DPP10: variants seen among roughly 807,000 people sequenced by gnomAD.
DPP10 encodes the protein dipeptidyl peptidase like 10, also known as inactive dipeptidyl peptidase 10.
Under a neutral mutation model 120.9 loss-of-function variants are expected in DPP10, and 33 were observed. The observed-to-expected ratio is 0.27, with a 90% CI of 0.21 to 0.37. The LOEUF (loss-of-function observed/expected upper bound fraction) is 0.37. DPP10 is among the 10% of genes least tolerant of loss of function. The pLI, the probability that DPP10 is intolerant of heterozygous loss-of-function variation, is 1.00. For missense variants in DPP10, 816 were observed against 942.8 expected (o/e 0.87, Z 1.76); for synonymous variants, 337 against 326.1 (o/e 1.03, Z -0.36).
chr2:115,818,241 T>C (rs561896213), intron 21 of DPP10, among the ~76,000 whole-genome samples: 1 of 152,314 alleles, frequency 6.6e-6, no homozygotes, highest in South Asian at 2.1e-4. Flanking sequence ...GGAAATCTGT[T>C]TCACAGAAAC....
At position 115,355,458 on chromosome 2, in the gene DPP10, C is replaced by T. The variant is rs187524745; in HGVS notation, c.271+11546C>T. Among the ~76,000 whole-genome samples the T allele has an allele frequency of 3.2e-3, 479 of 151,922 alleles. 2 individuals carry two copies. Among genetic ancestry groups the T allele is most frequent in the African/African-American group, 0.011 (457 of 41,440 alleles). On this transcript the variant is annotated intron_variant, in intron 3 of 25. Coordinates refer to ENST00000410059, the MANE Select transcript of DPP10 (RefSeq NM_020868.6). ...TTCCTTGTAGATTCTGGATATTAGA[C>T]CTTTGTCAGATGGGTATATTGCAAA...
At chr2:114,813,078 T>C (rs1043143998) in intron 1 of DPP10, among the ~76,000 whole-genome samples, 1 of 152,198 alleles carries the variant, frequency 6.6e-6, no homozygotes, top group African/African-American at 2.4e-5. Context: ...CTCCTCATCT[T>C]CGTTTCCCTA....
intron 1 of DPP10, among the ~76,000 whole-genome samples, chr2:114,652,662 G>T (rs1270667833): frequency 6.6e-6 from 1 of 152,156 alleles, no homozygotes; most frequent in African/African-American, 2.4e-5. Context: ...GATGGTGCTT[G>T]TCGAATTTTA....
At chr2:114,827,087 C>T (rs942771240) in intron 1 of DPP10, among the ~76,000 whole-genome samples, 19 of 151,074 alleles carry the variant, frequency 1.3e-4, no homozygotes, top group African/African-American at 4.1e-4. Context: ...CAGGAGGGGG[C>T]GATTTCTCAT....
At position 114,806,947 on chromosome 2, in the gene DPP10, G is replaced by A. The variant is rs557199373; in HGVS notation, c.60+364109G>A. The stretch of plus-strand genomic sequence containing the variant: ...ACCGTCTGCACAGCTAGTACAAGCC[G>A]ACAGCATCCTTCCCATTGAGTACAG... On this transcript the variant is annotated intron_variant, in intron 1 of 25. Transcript: ENST00000410059. Among the ~76,000 whole-genome samples the A allele has an allele frequency of 1.5e-4, 23 of 152,216 alleles. No homozygotes were observed. The South Asian group carries it at 3.9e-3, about 26-fold the overall frequency.
chr2:115,722,128 C>A (rs1027642934), intron 7 of DPP10, among the ~76,000 whole-genome samples: 1 of 151,876 alleles, frequency 6.6e-6, no homozygotes, highest in Admixed American at 6.6e-5. Flanking sequence ...ACTAATCAAC[C>A]GACACAGAAT....
At chr2:115,793,522 C>G (rs867918641) in intron 19 of DPP10, among the ~76,000 whole-genome samples, 3 of 151,704 alleles carry the variant, frequency 2.0e-5, no homozygotes, top group South Asian at 2.1e-4. Context: ...TTTCTGCCAA[C>G]CTAATATGGA....
intron 1 of DPP10, among the ~76,000 whole-genome samples, chr2:114,590,036 G>A (rs1326223710): frequency 6.6e-6 from 1 of 151,960 alleles, no homozygotes; most frequent in East Asian, 1.9e-4. Flanking sequence ...CCATGTAGTA[G>A]TGTACTGGTA....
chr2:114,993,580 G>GTGTGTATATATATA (rs71394121), intron 1 of DPP10, among the ~76,000 whole-genome samples: 7 of 97,326 alleles, frequency 7.2e-5, no homozygotes, highest in South Asian at 4.1e-4. Flanking sequence ...GTGTGTGTGT[G>GTGTGTATATATATA]TATATATATA....
chr2:115,149,682 TTTTG>T (rs1000149712), intron 1 of DPP10, among the ~76,000 whole-genome samples: 5 of 152,290 alleles, frequency 3.3e-5, no homozygotes, highest in Admixed American at 2.0e-4. Context: ...AGAAATTCTG[TTTTG>T]TTTGTCTGTT....
At chr2:115,160,748 C>G (rs780901008) in intron 1 of DPP10, among the ~76,000 whole-genome samples, 11 of 152,162 alleles carry the variant, frequency 7.2e-5, no homozygotes, top group Non-Finnish European at 1.3e-4. Context: ...CTTTGTCTAT[C>G]CGCGGTAATT....
At chr2:115,192,652 AT>A (rs1454361841) in intron 1 of DPP10, among the ~76,000 whole-genome samples, 1 of 152,198 alleles carries the variant, frequency 6.6e-6, no homozygotes, top group African/African-American at 2.4e-5. Context: ...TTCCTGTATG[AT>A]TTTTATACCA....
At position 115,580,248 on chromosome 2, in the gene DPP10, A is replaced by G. The variant is rs1192565036; in HGVS notation, c.441+54276A>G. The G allele has an allele frequency of 3.9e-5, 6 of 152,362 alleles. No homozygotes were observed. The East Asian group carries it at 1.2e-3, about 29-fold the overall frequency. The allele number at this position is 152,362 out of a possible 1,614,324, so 9.4% of individuals were successfully genotyped here. On this transcript the variant is annotated intron_variant, in intron 5 of 25. Coordinates refer to ENST00000410059, the MANE Select transcript of DPP10 (RefSeq NM_020868.6). Reference sequence around the variant, plus strand: ...GTATTGGTACTTTGTCCCAGCAAATAAAAATAATAAATGAAAAAGTTGGTT... The same window carrying G: ...GTATTGGTACTTTGTCCCAGCAAATGAAAATAATAAATGAAAAAGTTGGTT...
In DPP10 at chr2:114,602,337, A is replaced by G. The variant is rs549084902; in HGVS notation, c.60+159499A>G. 2.0e-3 allele frequency among the ~76,000 whole-genome samples: 299 copies of G among 151,554 alleles called. 1 individual carries two copies. Among genetic ancestry groups the G allele is most frequent in the African/African-American group, 7.0e-3 (290 of 41,342 alleles). On this transcript the variant is annotated intron_variant, in intron 1 of 25. Transcript: ENST00000410059. ...TTAATGTGTGTGTGTGTGTGTGTGC[A>G]TGTGTGAATTTGTGTGTAGCATTTA...
intron 3 of DPP10, among the ~76,000 whole-genome samples, chr2:115,476,986 C>G (rs979010046): frequency 1.3e-5 from 2 of 152,116 alleles, no homozygotes; most frequent in African/African-American, 2.4e-5. Flanking sequence ...TGAAAACTCT[C>G]AACAAACTAG....
At chr2:114,953,469 C>T (rs1467427651) in intron 1 of DPP10, among the ~76,000 whole-genome samples, 1 of 151,950 alleles carries the variant, frequency 6.6e-6, no homozygotes, top group Non-Finnish European at 1.5e-5. Flanking sequence ...TTCTTGCTCT[C>T]ACATGTGTAT....
intron 5 of DPP10, among the ~76,000 whole-genome samples, chr2:115,552,774 A>G (rs753063811): frequency 6.6e-6 from 1 of 152,138 alleles, no homozygotes; most frequent in Non-Finnish European, 1.5e-5. Flanking sequence ...CCTCAAGATC[A>G]TGATTTAGGC....
chr2:115,368,751 C>T (rs974115151), intron 3 of DPP10, among the ~76,000 whole-genome samples: 4 of 151,352 alleles, frequency 2.6e-5, no homozygotes, highest in East Asian at 1.9e-4. Context: ...GTGTGATAGT[C>T]GGCTCCTTTT....
chr2:115,763,786 C>T (rs531524625), intron 12 of DPP10, among the ~76,000 whole-genome samples: 1 of 152,146 alleles, frequency 6.6e-6, no homozygotes, highest in Non-Finnish European at 1.5e-5. Context: ...GAACTTTTCT[C>T]TCTTCTTTCT....
Sources: allele counts gnomAD v4.1 joint callset (sites outside exome capture counted in the v4.1 genomes callset), GRCh38; gene constraint gnomAD v4.1.1; transcripts MANE v1.5; gene names NCBI Gene and HGNC (gene_info 2026-07-23, HGNC 2026-07-21).